TBL1X: variants seen among roughly 807,000 people sequenced by gnomAD.
TBL1X encodes the protein transducin beta like 1 X-linked, also known as F-box-like/WD repeat-containing protein TBL1X.
TBL1X carries 10 observed loss-of-function variants against 50.7 expected under a neutral mutation model. That is an observed-to-expected ratio of 0.20 (90% CI 0.12 to 0.33). The LOEUF (loss-of-function observed/expected upper bound fraction) is 0.33, where lower values mean the gene tolerates loss of function less well. Among genes scored for constraint, TBL1X ranks in the 10% least tolerant of loss-of-function variants. The pLI is 1.00. For missense variants in TBL1X, 340 were observed against 504.4 expected, an observed-to-expected ratio of 0.67 and a Z score of 3.12; for synonymous variants, 190 against 214.7, an observed-to-expected ratio of 0.88 and a Z score of 1.01.
intron 2 of TBL1X, among the ~76,000 whole-genome samples, chrX:9,519,322 C>T (rs527274740): frequency 9.0e-6 from 1 of 111,560 alleles, no homozygotes; most frequent in East Asian, 2.8e-4. Context: ...TCGTAGCTCA[C>T]TGCAGCCTCG....
intron 2 of TBL1X, among the ~76,000 whole-genome samples, chrX:9,502,458 G>A (rs954146228): frequency 8.9e-6 from 1 of 112,218 alleles, no homozygotes; most frequent in African/African-American, 3.2e-5. Flanking sequence ...CTCCCGCCCA[G>A]CTTTGCTTAT....
chrX:9,685,286 C>G (rs1350140644), intron 6 of TBL1X, among the ~76,000 whole-genome samples: 1 of 111,904 alleles, frequency 8.9e-6, no homozygotes, highest in African/African-American at 3.3e-5. Flanking sequence ...GCCGCCTTCA[C>G]CTGAGTCCCT....
At chrX:9,682,576 C>T (rs1398271575) in intron 5 of TBL1X, among the ~76,000 whole-genome samples, 1 of 111,827 alleles carries the variant, frequency 8.9e-6, no homozygotes, top group East Asian at 2.8e-4. Flanking sequence ...GAGAGCACAG[C>T]GCAGAGCTCG....
At chrX:9,475,596 C>G (rs1055792483) in intron 1 of TBL1X, among the ~76,000 whole-genome samples, 1 of 108,550 alleles carries the variant, frequency 9.2e-6, no homozygotes, top group African/African-American at 3.4e-5. Context: ...ACTGGTGTTA[C>G]AGAGTGAATA....
At chrX:9,567,711 C>T (rs2082358931) in intron 2 of TBL1X, among the ~76,000 whole-genome samples, 1 of 112,091 alleles carries the variant, frequency 8.9e-6, no homozygotes, top group South Asian at 3.8e-4. Flanking sequence ...CATCCTCTTT[C>T]GTGAGCACTG....
At chrX:9,683,403 C>G (rs2083037486) in intron 5 of TBL1X, among the ~76,000 whole-genome samples, 1 of 112,009 alleles carries the variant, frequency 8.9e-6, no homozygotes, top group South Asian at 3.8e-4. Context: ...AAGAGATGCA[C>G]TGGGGGAGGA....
At chrX:9,491,336 A>ATTT (rs1256522168) in intron 1 of TBL1X, among the ~76,000 whole-genome samples, 46 of 25,295 alleles carry the variant, frequency 1.8e-3, no homozygotes, top group African/African-American at 3.3e-3. Context: ...ATATATATAT[A>ATTT]TATTTTTTTT....
intron 7 of TBL1X, among the ~76,000 whole-genome samples, chrX:9,690,817 C>A (rs1315799256): frequency 8.9e-6 from 1 of 111,756 alleles, no homozygotes; most frequent in African/African-American, 3.3e-5. Flanking sequence ...CAGCCTCAAT[C>A]TCTTGGGCTC....
At chrX:9,527,116 A>AC (rs776635429) in intron 2 of TBL1X, among the ~76,000 whole-genome samples, 1 of 112,174 alleles carries the variant, frequency 8.9e-6, no homozygotes, top group Admixed American at 9.4e-5. Flanking sequence ...GGAGGTCCTG[A>AC]CCTGTCCACC....
intron 2 of TBL1X, among the ~76,000 whole-genome samples, chrX:9,544,201 G>A (rs753521535): frequency 8.9e-6 from 1 of 112,601 alleles, no homozygotes; most frequent in African/African-American, 3.2e-5. Flanking sequence ...AAGATCAGGA[G>A]AAGTACAGGC....
rs149509420 is a variant in TBL1X at position 9,584,615 on chromosome X, A to G, written c.-130-55658A>G. ...ACCAAGAGAAAGCTTCGCATTTACAATGGGATTATTGGAAGCAATAGGAAA... is the reference window on the plus strand; with the variant it reads ...ACCAAGAGAAAGCTTCGCATTTACAGTGGGATTATTGGAAGCAATAGGAAA... On this transcript the variant is annotated intron_variant, in intron 2 of 17. Transcript: ENST00000645353. Among the ~76,000 whole-genome samples the G allele has an allele frequency of 4.9e-3, 554 of 112,459 alleles. 6 individuals are homozygous for G. Among genetic ancestry groups the G allele is most frequent in the African/African-American group, 0.017 (526 of 30,964 alleles).
At chrX:9,534,020 T>TGCG (rs1023026202) in intron 2 of TBL1X, among the ~76,000 whole-genome samples, 1 of 111,402 alleles carries the variant, frequency 9.0e-6, no homozygotes, top group African/African-American at 3.3e-5. Flanking sequence ...CCCAGAACCA[T>TGCG]GCGGGAGCAA....
intron 2 of TBL1X, among the ~76,000 whole-genome samples, chrX:9,537,605 A>ACAACATCCT (rs3831658): frequency 1.8e-5 from 2 of 110,408 alleles, no homozygotes; most frequent in Admixed American, 1.9e-4. Context: ...CTGGCTTAGC[A>ACAACATCCT]CAAGTTTCAT....
At position 9,708,707 on chromosome X, in the gene TBL1X, A is replaced by C. The variant is rs1158682120; in HGVS notation, c.1237-541A>C. On this transcript the variant is annotated intron_variant, in intron 13 of 17. Coordinates refer to ENST00000645353, the MANE Select transcript of TBL1X (RefSeq NM_005647.4). The stretch of plus-strand genomic sequence containing the variant: ...GACCAGCTTGGGCAAAAATCCCAAA[A>C]AAAAAAAAAAAAAAAAAGGGCATGG... Among the ~76,000 whole-genome samples the C allele has an allele frequency of 2.1e-4, 7 of 32,970 alleles. No individual in the cohort carries two copies. In the East Asian group the frequency reaches 0.014, roughly 65 times the overall value. The allele number at this position is 32,970 out of a possible 115,157, so 28.6% of individuals were successfully genotyped here.
At chrX:9,470,806 G>GTA (rs2081809890) in intron 1 of TBL1X, among the ~76,000 whole-genome samples, 1 of 110,618 alleles carries the variant, frequency 9.0e-6, no homozygotes, top group Non-Finnish European at 1.9e-5. Context: ...GGCTAATTTT[G>GTA]TATTTTTAGT....
chrX:9,715,207 A>G (rs139607510), intron 17 of TBL1X, among the ~76,000 whole-genome samples: 1,175 of 112,157 alleles, frequency 0.01, 14 homozygotes, highest in African/African-American at 0.037. Context: ...CTTCTAGTCA[A>G]CATTTTCTCA....
At chrX:9,509,034 C>G (rs763168446) in intron 2 of TBL1X, among the ~76,000 whole-genome samples, 1 of 109,733 alleles carries the variant, frequency 9.1e-6, no homozygotes. Context: ...CACACATACA[C>G]CTGTATAACT....
At chrX:9,609,018 G>A (rs1486526778) in intron 2 of TBL1X, among the ~76,000 whole-genome samples, 1 of 111,746 alleles carries the variant, frequency 8.9e-6, no homozygotes, top group Non-Finnish European at 1.9e-5. Context: ...AGGTGACTGG[G>A]CGGGGGTTGG....
intron 2 of TBL1X, among the ~76,000 whole-genome samples, chrX:9,515,903 A>G (rs1479585621): frequency 9.0e-6 from 1 of 111,352 alleles, no homozygotes. Context: ...GTTAATGGAA[A>G]TTCTTGAAAT....
Sources: allele counts gnomAD v4.1 joint callset (sites outside exome capture counted in the v4.1 genomes callset), GRCh38; gene constraint gnomAD v4.1.1; transcripts MANE v1.5; gene names NCBI Gene and HGNC (gene_info 2026-07-23, HGNC 2026-07-21).